SGCZ: variants seen among roughly 807,000 people sequenced by gnomAD.
SGCZ encodes the protein sarcoglycan zeta, also known as zeta-sarcoglycan.
A neutral mutation model predicts 41.3 loss-of-function variants in SGCZ; 40 were observed. The observed-to-expected ratio is 0.97, with a 90% confidence interval of 0.75 to 1.26. The LOEUF is 1.26. Among genes scored for constraint, SGCZ ranks in the 50% most tolerant of loss-of-function variants. SGCZ has a pLI of 0.00. For synonymous variants in SGCZ, 206 were observed against 137.5 expected, an observed-to-expected ratio of 1.50 and a Z score of -3.49; for missense variants, 552 against 369.8, an observed-to-expected ratio of 1.49 and a Z score of -4.04.
At chr8:14,144,164 G>A (rs77714551) in intron 5 of SGCZ, among the ~76,000 whole-genome samples, 1 of 152,112 alleles carries the variant, frequency 6.6e-6, no homozygotes, top group Non-Finnish European at 1.5e-5. Flanking sequence ...GGACAGCCAA[G>A]GTAATACTGG....
At chr8:14,720,398 A>G (rs1396483120) in intron 1 of SGCZ, among the ~76,000 whole-genome samples, 1 of 152,168 alleles carries the variant, frequency 6.6e-6, no homozygotes, top group Non-Finnish European at 1.5e-5. Context: ...GAGAATAACT[A>G]CTGTAAACAA....
chr8:14,562,079 G>C (rs1804222934), intron 1 of SGCZ, among the ~76,000 whole-genome samples: 1 of 152,086 alleles, frequency 6.6e-6, no homozygotes, highest in South Asian at 2.1e-4. Context: ...TACTGATCTG[G>C]ATGGTATGGG....
chr8:14,805,710 C>G (rs1383309322), intron 1 of SGCZ, among the ~76,000 whole-genome samples: 5 of 151,966 alleles, frequency 3.3e-5, no homozygotes, highest in African/African-American at 1.2e-4. Context: ...GAATTGAACT[C>G]AGCTCTGTAC....
chr8:14,864,701 A>G (rs1393478029), intron 1 of SGCZ, among the ~76,000 whole-genome samples: 1 of 152,174 alleles, frequency 6.6e-6, no homozygotes, highest in Non-Finnish European at 1.5e-5. Context: ...GTAGAATCTA[A>G]TTAAATTAAA....
At chr8:14,534,246 A>G (rs989770256) in intron 2 of SGCZ, among the ~76,000 whole-genome samples, 2 of 151,874 alleles carry the variant, frequency 1.3e-5, no homozygotes, top group African/African-American at 4.8e-5. Flanking sequence ...GCTGGCACAG[A>G]GAAGAGGGAA....
intron 1 of SGCZ, among the ~76,000 whole-genome samples, chr8:14,911,049 T>A (rs1799267453): frequency 6.6e-6 from 1 of 152,096 alleles, no homozygotes; most frequent in African/African-American, 2.4e-5. Context: ...ATTAAAGGGA[T>A]GCTTCTGCAT....
At chr8:14,256,507 CAT>C (rs34678334) in intron 3 of SGCZ, among the ~76,000 whole-genome samples, 18,128 of 152,084 alleles carry the variant, frequency 0.12, 1,188 homozygotes, top group Middle Eastern at 0.17. Flanking sequence ...CCCTCATATA[CAT>C]ATATGATATA....
rs923714891 is a variant in SGCZ, at chr8:14,316,605, T to G, written c.336+7498A>C. 5.3e-5 allele frequency among the ~76,000 whole-genome samples: 8 copies of G among 151,888 alleles called. 1 individual carries two copies. The highest frequency in any genetic ancestry group is 1.0e-4 in the Non-Finnish European group (7 of 67,952). On this transcript the variant is annotated intron_variant, in intron 3 of 7. Transcript: ENST00000382080. ...TGCACTCTTTCAACCCGGAAACACT[T>G]TCACCTTTCTTCTCTCTTTCCAGGA...
rs554741709 is a variant in SGCZ, at chr8:14,544,913, TCTG to T, written c.234+9816_234+9818del. On this transcript the variant is annotated intron_variant, in intron 2 of 7. Coordinates refer to ENST00000382080, the MANE Select transcript of SGCZ (RefSeq NM_139167.4). ...TCTTTATTAGACCCTTATTAGCGGT[TCTG>T]CTTTTTGCCCTTTGAAGCATGTGAT... 2.6e-3 allele frequency among the ~76,000 whole-genome samples: 400 copies of T among 152,286 alleles called. 2 individuals carry two copies. The highest frequency in any genetic ancestry group is 9.5e-3 in the African/African-American group (393 of 41,572).
At chr8:14,665,600 A>G (rs925587283) in intron 1 of SGCZ, among the ~76,000 whole-genome samples, 7 of 152,192 alleles carry the variant, frequency 4.6e-5, no homozygotes, top group African/African-American at 1.7e-4. Flanking sequence ...AGTGTTCAAT[A>G]GACATTAGAT....
At chr8:14,372,803 CA>C (rs1277152126) in intron 2 of SGCZ, among the ~76,000 whole-genome samples, 3 of 151,882 alleles carry the variant, frequency 2.0e-5, no homozygotes, top group Non-Finnish European at 4.4e-5. Context: ...GAGAGTGAGG[CA>C]CAAGGAGAAA....
At chr8:15,085,802 C>G (rs1226926653) in intron 1 of SGCZ, among the ~76,000 whole-genome samples, 2 of 152,098 alleles carry the variant, frequency 1.3e-5, no homozygotes, top group African/African-American at 2.4e-5. Context: ...CTACATTTTG[C>G]CAAGTCAACA....
At chr8:14,296,262 TA>T (rs1801009796) in intron 3 of SGCZ, among the ~76,000 whole-genome samples, 1 of 152,112 alleles carries the variant, frequency 6.6e-6, no homozygotes, top group Non-Finnish European at 1.5e-5. Flanking sequence ...ACTCTGAATG[TA>T]TGGAAAACAA....
At chr8:14,954,572 A>G in intron 1 of SGCZ, among the ~76,000 whole-genome samples, 1 of 152,120 alleles carries the variant, frequency 6.6e-6, no homozygotes, top group African/African-American at 2.4e-5. Flanking sequence ...TCTCTTTATC[A>G]ATGTACTCCC....
intron 1 of SGCZ, among the ~76,000 whole-genome samples, chr8:14,927,790 AG>A (rs748290375): frequency 2.0e-5 from 3 of 152,234 alleles, no homozygotes; most frequent in Non-Finnish European, 4.4e-5. Flanking sequence ...GCCTTATTAA[AG>A]GGTTAACTTC....
intron 1 of SGCZ, among the ~76,000 whole-genome samples, chr8:14,993,420 A>G (rs963643200): frequency 6.6e-6 from 1 of 152,200 alleles, no homozygotes; most frequent in African/African-American, 2.4e-5. Flanking sequence ...CATATAACAC[A>G]AAGAAATCAT....
At chr8:15,186,600 A>G (rs552638423) in intron 1 of SGCZ, among the ~76,000 whole-genome samples, 1 of 152,316 alleles carries the variant, frequency 6.6e-6, no homozygotes, top group African/African-American at 2.4e-5. Context: ...ATCATAATTT[A>G]TCTTCAAAAG....
chr8:14,466,605 T>C (rs1463291316), intron 2 of SGCZ, among the ~76,000 whole-genome samples: 1 of 151,416 alleles, frequency 6.6e-6, no homozygotes, highest in Non-Finnish European at 1.5e-5. Flanking sequence ...TGCTTGATGG[T>C]TTCCCTCATG....
intron 4 of SGCZ, among the ~76,000 whole-genome samples, chr8:14,194,745 G>A (rs2117054640): frequency 6.6e-6 from 1 of 152,008 alleles, no homozygotes; most frequent in African/African-American, 2.4e-5. Context: ...AAAAGAGGCA[G>A]AAACAAATTA....
Sources: gnomAD v4.1 joint callset for allele counts (sites outside exome capture counted in the v4.1 genomes callset) on GRCh38, gnomAD v4.1.1 for gene constraint, MANE v1.5 for transcripts, NCBI Gene and HGNC (gene_info 2026-07-23, HGNC 2026-07-21) for gene names.